Variants in AHI1 observed in about 807,000 individuals in gnomAD.
AHI1 encodes Abelson helper integration site 1.
In AHI1, 123 loss-of-function variants were observed where a neutral mutation model predicts 149.3. That is an observed-to-expected ratio of 0.82 (90% CI 0.71 to 0.96). The LOEUF (loss-of-function observed/expected upper bound fraction) is 0.96. AHI1 is among the 40% of genes least tolerant of loss of function. The pLI, the probability that AHI1 is intolerant of heterozygous loss-of-function variation, is 0.00. For missense variants in AHI1, 1,439 were observed against 1,422.7 expected (o/e 1.01, Z -0.18); for synonymous variants, 475 against 459.8 (o/e 1.03, Z -0.42).
intron 27 of AHI1, among the ~76,000 whole-genome samples, chr6:135,296,519 C>G (rs1783114856): frequency 6.6e-6 from 1 of 152,110 alleles, no homozygotes; most frequent in African/African-American, 2.4e-5. Context: ...CTCTAAAAAG[C>G]CTAATTTCCT....
At chr6:135,389,963 C>A (rs2128478726) in intron 23 of AHI1, among the ~76,000 whole-genome samples, 1 of 152,194 alleles carries the variant, frequency 6.6e-6, no homozygotes, top group African/African-American at 2.4e-5. Flanking sequence ...TTGAATGTGG[C>A]TCAACATAAA....
At chr6:135,451,573 G>A (rs960148205) in intron 11 of AHI1, among the ~76,000 whole-genome samples, 2 of 152,088 alleles carry the variant, frequency 1.3e-5, no homozygotes, top group Admixed American at 6.5e-5. Context: ...GTTAGAAGAC[G>A]TGAAGCACAT....
At position 135,311,639 on chromosome 6, in the gene AHI1, A is replaced by G. The variant is rs576213556; in HGVS notation, c.3426+6880T>C. Among the ~76,000 whole-genome samples the G allele has an allele frequency of 3.3e-5, 5 of 152,342 alleles. No homozygotes were observed. The South Asian group carries it at 6.2e-4, about 19-fold the overall frequency. On this transcript the variant is annotated intron_variant, in intron 26 of 28. Coordinates refer to ENST00000265602, the MANE Select transcript of AHI1 (RefSeq NM_001134831.2). Reference sequence around the variant, plus strand: ...GATCATAAAGGTTAATGCTTAGGCTAGCAAAAATAAAAAGGCTAAAAAGCA... The same window carrying G: ...GATCATAAAGGTTAATGCTTAGGCTGGCAAAAATAAAAAGGCTAAAAAGCA...
intron 24 of AHI1, among the ~76,000 whole-genome samples, chr6:135,328,325 T>C (rs1250203644): frequency 6.6e-6 from 1 of 152,232 alleles, no homozygotes; most frequent in Non-Finnish European, 1.5e-5. Context: ...TGAGCAAGTC[T>C]ATCAAGGCCA....
At chr6:135,467,701 T>A (rs1042716534) in intron 5 of AHI1, 67 bp from the exon 6 acceptor site, 3 of 1,156,200 alleles carry the variant, frequency 2.6e-6, no homozygotes, top group Non-Finnish European at 3.7e-6. Context: ...AAACCAATAA[T>A]TAATGTTCAA....
At chr6:135,393,444 A>C (rs1373227282) in intron 23 of AHI1, among the ~76,000 whole-genome samples, 1 of 152,136 alleles carries the variant, frequency 6.6e-6, no homozygotes, top group African/African-American at 2.4e-5. Context: ...GTAGGGATAG[A>C]GTGGTGGAGA....
At chr6:135,291,007 T>C (rs1782288407) in intron 27 of AHI1, among the ~76,000 whole-genome samples, 2 of 151,886 alleles carry the variant, frequency 1.3e-5, no homozygotes, top group South Asian at 4.1e-4. Context: ...AAGAAAGCTG[T>C]AACATCCTGA....
intron 5 of AHI1, among the ~76,000 whole-genome samples, chr6:135,477,869 C>CTCA (rs1261751782): frequency 6.6e-6 from 1 of 152,190 alleles, no homozygotes; most frequent in African/African-American, 2.4e-5. Context: ...GTGATCCTGG[C>CTCA]TCACTGCAGC....
At chr6:135,314,042 A>C (rs1785587166) in intron 26 of AHI1, among the ~76,000 whole-genome samples, 1 of 152,220 alleles carries the variant, frequency 6.6e-6, no homozygotes, top group Non-Finnish European at 1.5e-5. Flanking sequence ...CAATGTTATA[A>C]ATGCTTCCAC....
chr6:135,434,967 A>G (rs182955430), intron 15 of AHI1, among the ~76,000 whole-genome samples: 1 of 152,280 alleles, frequency 6.6e-6, no homozygotes, highest in Non-Finnish European at 1.5e-5. Flanking sequence ...TTTAGGATAA[A>G]CCCATATGGC....
chr6:135,473,024 T>C (rs1280548694), intron 5 of AHI1, among the ~76,000 whole-genome samples: 1 of 152,176 alleles, frequency 6.6e-6, no homozygotes, highest in Non-Finnish European at 1.5e-5. Flanking sequence ...TGTTTTTGTA[T>C]CCTGAGAAAT....
rs746416481 is a variant in AHI1 at position 135,466,354 on chromosome 6, T to C, written c.209A>G (p.Asn70Ser). ...TSDDPDTIRS[N>S]LPHIKETTSD... Reference sequence around the variant, plus strand: ...TGTAGTTTCTTTAATATGGGGAAGATTGCTTCTAATAGTGTCGGGCTAGGA... The same window carrying C: ...TGTAGTTTCTTTAATATGGGGAAGACTGCTTCTAATAGTGTCGGGCTAGGA... The change falls in exon 7 of 29, where the codon AAT (asparagine) becomes AGT (serine). Residue 70 changes from asparagine to serine, a missense_variant. Asn to Ser is a conservative substitution (Grantham distance 46). Coordinates refer to ENST00000265602, the MANE Select transcript of AHI1 (RefSeq NM_001134831.2). 1 of 1,613,754 alleles carries C rather than the reference T, an allele frequency of 6.2e-7. No homozygotes were observed. Among genetic ancestry groups the C allele is most frequent in the Admixed American group, 1.7e-5 (1 of 60,016 alleles).
chr6:135,455,740 G>A lies in AHI1; in HGVS notation c.1338C>T (p.Phe446=), dbSNP rs770926761. 8 of 1,586,540 alleles carry A rather than the reference G, an allele frequency of 5.0e-6. No homozygotes were observed. In the African/African-American group the frequency reaches 6.7e-5, roughly 13 times the overall value. ...GSDESPKVIL[F]FEILDFLSVD... is the part of the protein sequence containing the mutation. ...TGGTCCATTCAATTCATACCTCAAA[G>A]AACAGGATGACTTTAGGACTCTCAT... is the stretch of plus-strand genomic sequence containing the variant. Residue 446 remains phenylalanine (F), a synonymous_variant, in exon 10 of 29, where the codon TTC becomes TTT. Coordinates refer to ENST00000265602, the MANE Select transcript of AHI1 (RefSeq NM_001134831.2).
chr6:135,448,788 A>C (rs1480025059), intron 11 of AHI1, among the ~76,000 whole-genome samples: 1 of 152,232 alleles, frequency 6.6e-6, no homozygotes, highest in Non-Finnish European at 1.5e-5. Context: ...AGTGATCAAT[A>C]CACATGTTTG....
Position 135,290,491 on chromosome 6 carries a change from G to A in AHI1, c.3520C>T (p.Gln1174Ter). Residue 1174 changes from glutamine (Q) to a stop codon, truncating the protein, a stop_gained, in exon 28 of 29, where the codon CAA becomes TAA. Coordinates refer to ENST00000265602, the MANE Select transcript of AHI1 (RefSeq NM_001134831.2). LOFTEE classifies it high-confidence loss of function. ...EMRKEQSHED[Q>*]GHIMDTRMRK... Reference sequence around the variant, plus strand: ...ATCCGTGTATCCATTATGTGTCCTTGGTCCTCATGGCTCTGTTCTTTTCTC... The same window carrying A: ...ATCCGTGTATCCATTATGTGTCCTTAGTCCTCATGGCTCTGTTCTTTTCTC... The A allele has an allele frequency of 6.2e-7, 1 of 1,613,708 alleles. No individual in the cohort carries two copies. The highest frequency in any genetic ancestry group is 8.5e-7 in the Non-Finnish European group (1 of 1,179,772).
chr6:135,347,445 T>G (rs544641594), intron 24 of AHI1, among the ~76,000 whole-genome samples: 1 of 152,372 alleles, frequency 6.6e-6, no homozygotes, highest in African/African-American at 2.4e-5. Flanking sequence ...ATTCTGCTTT[T>G]AGAGAGTTAA....
In AHI1 at chr6:135,330,015, A is replaced by C. The variant is rs182481736; in HGVS notation, c.3166-6691T>G. Among the ~76,000 whole-genome samples, 611 of 152,352 alleles carry C rather than the reference A, an allele frequency of 4.0e-3. 1 individual carries two copies. The highest frequency in any genetic ancestry group is 6.8e-3 in the Middle Eastern group (2 of 294). On this transcript the variant is annotated intron_variant, in intron 24 of 28. Transcript: ENST00000265602. ...AATCTCATGATAAAACGAATGGATA[A>C]AGAGTTCTTTCTTATGGATGAACAA...
intron 28 of AHI1, among the ~76,000 whole-genome samples, chr6:135,287,548 G>A (rs1781837119): frequency 6.6e-6 from 1 of 152,168 alleles, no homozygotes; most frequent in African/African-American, 2.4e-5. Context: ...GGAGACAGCA[G>A]GGATGTGCTG....
At chr6:135,497,486 G>C (rs1447451426) in intron 1 of AHI1, 97 bp downstream of exon 1, 1 of 152,582 alleles carries the variant, frequency 6.6e-6, no homozygotes, top group African/African-American at 2.4e-5. Context: ...CGCGCTCTCG[G>C]ACTCCAGCAG....
Sources: allele counts gnomAD v4.1 joint callset (sites outside exome capture counted in the v4.1 genomes callset), GRCh38; gene constraint gnomAD v4.1.1; transcripts MANE v1.5; gene names NCBI Gene and HGNC (gene_info 2026-07-23, HGNC 2026-07-21).